Variants in PRKAG2 observed in about 807,000 individuals in gnomAD.
The protein encoded by PRKAG2 is protein kinase AMP-activated non-catalytic subunit gamma 2, also known as 5'-AMP-activated protein kinase subunit gamma-2.
PRKAG2 carries 26 observed loss-of-function variants against 69.6 expected under a neutral mutation model. The observed-to-expected ratio is 0.37, with a 90% CI of 0.27 to 0.52. PRKAG2 has a LOEUF of 0.52. PRKAG2 is among the 20% of genes least tolerant of loss of function. PRKAG2 has a pLI of 0.90. For missense variants in PRKAG2, 557 were observed against 740.0 expected (o/e 0.75, Z 2.87); for synonymous variants, 293 against 285.0 (o/e 1.03, Z -0.28).
chr7:151,778,644 C>T (rs939024723), intron 3 of PRKAG2, among the ~76,000 whole-genome samples: 1 of 152,258 alleles, frequency 6.6e-6, no homozygotes, highest in African/African-American at 2.4e-5. Flanking sequence ...TTCCTGGTGG[C>T]TCAACTCTTT....
At chr7:151,746,751 T>C (rs1465203303) in intron 3 of PRKAG2, among the ~76,000 whole-genome samples, 1 of 152,166 alleles carries the variant, frequency 6.6e-6, no homozygotes. Flanking sequence ...TCAGAGGCTG[T>C]GGCCGGAGCC....
chr7:151,636,756 G>C lies in PRKAG2; in HGVS notation c.685-4618C>G, dbSNP rs1018546683. Among the ~76,000 whole-genome samples, 51 of 152,086 alleles carry C rather than the reference G, an allele frequency of 3.4e-4. 1 individual carries two copies. The highest frequency in any genetic ancestry group is 7.2e-4 in the Non-Finnish European group (49 of 67,996). On this transcript the variant is annotated intron_variant, in intron 4 of 15. Transcript: ENST00000287878. ...GTCTCACTCTGTCACCCAGGCTGGA[G>C]TGCAGTAGCGCGATTTCAGCTCACT... is the stretch of plus-strand genomic sequence containing the variant.
In PRKAG2 at chr7:151,638,188, G is replaced by A. The variant is rs918619047; in HGVS notation, c.685-6050C>T. 1.3e-5 allele frequency among the ~76,000 whole-genome samples: 2 copies of A among 152,186 alleles called. No homozygotes were observed. Among genetic ancestry groups the A allele is most frequent in the African/African-American group, 4.8e-5 (2 of 41,434 alleles). ...AACAGCCTGGCACAGTTCCACCACA[G>A]GGAACATTTCCATTTATATCACATC... On this transcript the variant is annotated intron_variant, in intron 4 of 15. Coordinates refer to ENST00000287878, the MANE Select transcript of PRKAG2 (RefSeq NM_016203.4). This position sits in a 1 kb window ranked among gnomAD's most constrained non-coding sequence, Gnocchi z 4.3.
intron 4 of PRKAG2, among the ~76,000 whole-genome samples, chr7:151,663,394 C>A (rs1199178292): frequency 1.3e-5 from 2 of 152,118 alleles, no homozygotes; most frequent in Non-Finnish European, 2.9e-5. Flanking sequence ...TTTTGTTTTT[C>A]AAACAGGGTC....
At chr7:151,831,886 G>C (rs1486516178) in intron 1 of PRKAG2, among the ~76,000 whole-genome samples, 3 of 152,182 alleles carry the variant, frequency 2.0e-5, no homozygotes, top group Non-Finnish European at 2.9e-5. Context: ...AGAGTGGGGA[G>C]CAGAGGACAC....
At chr7:151,773,036 A>G (rs1353576545) in intron 3 of PRKAG2, among the ~76,000 whole-genome samples, 17 of 33,188 alleles carry the variant, frequency 5.1e-4, no homozygotes, top group Non-Finnish European at 6.4e-4. Context: ...AGAGAGAGAG[A>G]GAGAGAGAGA....
chr7:151,742,816 CA>C (rs1199320738), intron 3 of PRKAG2, among the ~76,000 whole-genome samples: 5 of 152,052 alleles, frequency 3.3e-5, no homozygotes, highest in Admixed American at 3.3e-4. Flanking sequence ...AGGTGGGGCA[CA>C]AAAAACTCCT....
chr7:151,874,298 ATG>A, intron 1 of PRKAG2, among the ~76,000 whole-genome samples: 1 of 79,460 alleles, frequency 1.3e-5, no homozygotes, highest in Non-Finnish European at 2.3e-5. Flanking sequence ...TATGTATATG[ATG>A]TATATGTATA....
chr7:151,686,748 C>G (rs1834806505), intron 3 of PRKAG2, among the ~76,000 whole-genome samples: 1 of 152,226 alleles, frequency 6.6e-6, no homozygotes, highest in South Asian at 2.1e-4. Flanking sequence ...CTGGCCCTAG[C>G]TGAGCTCACT....
intron 3 of PRKAG2, among the ~76,000 whole-genome samples, chr7:151,770,704 A>G (rs993117463): frequency 4.6e-5 from 7 of 152,186 alleles, no homozygotes; most frequent in African/African-American, 1.7e-4. Context: ...ATTCTTATGG[A>G]GTGACCTACA....
intron 5 of PRKAG2, among the ~76,000 whole-genome samples, chr7:151,615,132 G>GT (rs752875555): frequency 7.9e-5 from 12 of 152,222 alleles, no homozygotes; most frequent in Admixed American, 5.9e-4. Context: ...GAAAGGAGCT[G>GT]TTTTTTGTTC....
At chr7:151,827,538 C>T (rs760119081) in intron 1 of PRKAG2, among the ~76,000 whole-genome samples, 10 of 152,076 alleles carry the variant, frequency 6.6e-5, no homozygotes, top group Non-Finnish European at 1.2e-4. Context: ...TGCACCCAGC[C>T]GGAACTGGGG....
intron 1 of PRKAG2, among the ~76,000 whole-genome samples, chr7:151,855,589 A>G (rs71541713): frequency 7.3e-5 from 7 of 96,024 alleles, no homozygotes; most frequent in East Asian, 8.6e-4. Flanking sequence ...CACACACACC[A>G]CCCTCCACAC....
intron 4 of PRKAG2, among the ~76,000 whole-genome samples, chr7:151,670,254 C>T (rs1245847884): frequency 6.6e-6 from 1 of 152,222 alleles, no homozygotes; most frequent in African/African-American, 2.4e-5. Flanking sequence ...ATCATCCATC[C>T]ACTTTTCCAT....
rs770881516 is a variant in PRKAG2 at position 151,614,723 on chromosome 7, A to G, written c.754+17346T>C. Among the ~76,000 whole-genome samples the G allele has an allele frequency of 6.6e-5, 10 of 152,208 alleles. No individual in the cohort carries two copies. Among genetic ancestry groups the G allele is most frequent in the Non-Finnish European group, 1.2e-4 (8 of 68,034 alleles). ...GCCAGGACCGCTCCAGTTCAGCACCATGGAATGGGACTCCACCTGGGCCTT... is the reference window on the plus strand; with the variant it reads ...GCCAGGACCGCTCCAGTTCAGCACCGTGGAATGGGACTCCACCTGGGCCTT... On this transcript the variant is annotated intron_variant, in intron 5 of 15. Transcript: ENST00000287878. This position sits in a 1 kb window ranked among gnomAD's most constrained non-coding sequence, Gnocchi z 4.4.
intron 3 of PRKAG2, among the ~76,000 whole-genome samples, chr7:151,721,647 G>T (rs1355559609): frequency 1.3e-5 from 2 of 152,188 alleles, no homozygotes; most frequent in African/African-American, 4.8e-5. Flanking sequence ...TACCCTGTTG[G>T]CCAGGGAGCA....
At chr7:151,818,436 C>T (rs997423706) in intron 1 of PRKAG2, among the ~76,000 whole-genome samples, 3 of 152,190 alleles carry the variant, frequency 2.0e-5, no homozygotes, top group Non-Finnish European at 2.9e-5. Context: ...GCCAAGCTCA[C>T]GTCCCTGCGA....
intron 3 of PRKAG2, among the ~76,000 whole-genome samples, chr7:151,763,331 G>A (rs1347367392): frequency 1.3e-5 from 2 of 152,194 alleles, no homozygotes; most frequent in African/African-American, 2.4e-5. Flanking sequence ...GCACAGAGTC[G>A]AGCACACGGG....
At chr7:151,749,786 GAAAAAA>G (rs34229915) in intron 3 of PRKAG2, among the ~76,000 whole-genome samples, 1 of 124,904 alleles carries the variant, frequency 8.0e-6, no homozygotes, top group African/African-American at 3.1e-5. Flanking sequence ...CAACCACACT[GAAAAAA>G]AAAAAAAAAA....
Sources: gnomAD v4.1 joint callset for allele counts (sites outside exome capture counted in the v4.1 genomes callset) on GRCh38, gnomAD v4.1.1 for gene constraint, Gnocchi (gnomAD v3.1) non-coding constraint, MANE v1.5 for transcripts, NCBI Gene and HGNC (gene_info 2026-07-23, HGNC 2026-07-21) for gene names.